The following SETBP1 variants were observed in gnomAD, a reference collection of about 807,000 sequenced individuals.
The protein encoded by SETBP1 is SET binding protein 1, also known as SET-binding protein.
A neutral mutation model predicts 101.0 loss-of-function variants in SETBP1; 9 were observed. That is an observed-to-expected ratio of 0.09 (90% confidence interval 0.05 to 0.16). The LOEUF is 0.16. SETBP1 is among the 10% of genes least tolerant of loss of function. The pLI is 1.00. For missense variants in SETBP1, 1,858 were observed against 2,033.8 expected (o/e 0.91, Z 1.66); for synonymous variants, 818 against 788.5 (o/e 1.04, Z -0.63).
chr18:45,044,419 G>A (rs1473389695), intron 5 of SETBP1, among the ~76,000 whole-genome samples: 1 of 152,174 alleles, frequency 6.6e-6, no homozygotes, highest in Admixed American at 6.5e-5. Flanking sequence ...GTGCATGAAA[G>A]GCACTCCCTC....
chr18:44,944,790 G>A (rs1317069449), intron 3 of SETBP1, among the ~76,000 whole-genome samples: 1 of 151,660 alleles, frequency 6.6e-6, no homozygotes, highest in East Asian at 1.9e-4. Context: ...TTTTTAATGA[G>A]TTATGTGATT....
intron 4 of SETBP1, among the ~76,000 whole-genome samples, chr18:44,977,978 G>A (rs185116316): frequency 6.6e-5 from 10 of 152,082 alleles, no homozygotes; most frequent in South Asian, 4.2e-4. Flanking sequence ...CAGCTCTGGG[G>A]CCTGTGCTCT....
chr18:44,785,594 T>C (rs917407432), intron 2 of SETBP1, among the ~76,000 whole-genome samples: 2 of 152,212 alleles, frequency 1.3e-5, no homozygotes, highest in Non-Finnish European at 2.9e-5. Context: ...TTATTGATTT[T>C]CCAGTCCCTA....
chr18:44,736,782 G>T (rs1304265378), intron 2 of SETBP1, among the ~76,000 whole-genome samples: 1 of 152,176 alleles, frequency 6.6e-6, no homozygotes, highest in Non-Finnish European at 1.5e-5. Flanking sequence ...TTTGTTGACT[G>T]ACTTGCTCAT....
chr18:44,726,915 A>G (rs1200258731), intron 2 of SETBP1, among the ~76,000 whole-genome samples: 2 of 152,148 alleles, frequency 1.3e-5, no homozygotes, highest in African/African-American at 4.8e-5. Flanking sequence ...AGATAAATCC[A>G]TTTGCCATTG....
intron 3 of SETBP1, chr18:44,877,069 T>C: frequency 9.5e-7 from 1 of 1,050,434 alleles, no homozygotes; most frequent in Admixed American, 5.2e-5. Context: ...TCTCTAGGCC[T>C]TTTTTCTAGC....
intron 4 of SETBP1, chr18:44,987,238 T>C (rs769452847): frequency 6.6e-6 from 1 of 152,212 alleles, no homozygotes; most frequent in Non-Finnish European, 1.5e-5. Context: ...TGTTATGCCA[T>C]GTATGACTGT....
chr18:44,972,128 A>C (rs1273478235), intron 4 of SETBP1, among the ~76,000 whole-genome samples: 2 of 152,228 alleles, frequency 1.3e-5, no homozygotes, highest in African/African-American at 4.8e-5. Context: ...TTTATTAAAT[A>C]GGGAATCCTT....
rs775975116 is a variant in SETBP1 at position 45,063,109 on chromosome 18, G to A, written c.4202G>A (p.Arg1401Gln). 1.9e-6 allele frequency: 3 copies of A among 1,613,816 alleles called. No individual in the cohort carries two copies. Among genetic ancestry groups the A allele is most frequent in the Admixed American group, 1.7e-5 (1 of 59,982 alleles). Residue 1401 changes from arginine to glutamine, a missense_variant, in exon 6 of 6, where the codon CGG (arginine) becomes CAG (glutamine). Coordinates refer to ENST00000649279, the MANE Select transcript of SETBP1 (RefSeq NM_015559.3). Reference sequence around the variant, plus strand: ...TCCTCCCTGAAGAAGAGGTTCAAGCGGCGGGAGATCGAAGCCATCCAGTGC... The same window carrying A: ...TCCTCCCTGAAGAAGAGGTTCAAGCAGCGGGAGATCGAAGCCATCCAGTGC... ...VGSSLKKRFK[R>Q]REIEAIQCEV...
intron 2 of SETBP1, among the ~76,000 whole-genome samples, chr18:44,863,279 T>A (rs1335765467): frequency 1.3e-5 from 2 of 152,196 alleles, no homozygotes; most frequent in Non-Finnish European, 2.9e-5. Context: ...GTACCCAGTA[T>A]GGCTGGATAT....
At chr18:44,718,202 A>G (rs1568107011) in intron 2 of SETBP1, among the ~76,000 whole-genome samples, 1 of 152,310 alleles carries the variant, frequency 6.6e-6, no homozygotes, top group East Asian at 1.9e-4. Flanking sequence ...GGACTAGGTG[A>G]GGGAGGTTGA....
intron 3 of SETBP1, among the ~76,000 whole-genome samples, chr18:44,888,908 T>C (rs1276726583): frequency 6.6e-6 from 1 of 152,114 alleles, no homozygotes; most frequent in Non-Finnish European, 1.5e-5. Context: ...TACCTACCTA[T>C]TTTTTCCCAA....
At chr18:44,869,700 T>C (rs971348794) in intron 3 of SETBP1, 2 of 297,522 alleles carry the variant, frequency 6.7e-6, no homozygotes, top group Admixed American at 9.0e-5. Flanking sequence ...CAAGGCCTGA[T>C]AGCCAAGTTA....
rs536912723 is a variant in SETBP1 at position 44,820,633 on chromosome 18, G to A, written c.487-48597G>A. Among the ~76,000 whole-genome samples, 8 of 152,226 alleles carry A rather than the reference G, an allele frequency of 5.3e-5. No homozygotes were observed. The East Asian group carries it at 1.5e-3, about 29-fold the overall frequency. On this transcript the variant is annotated intron_variant, in intron 2 of 5. Transcript: ENST00000649279. ...GCAACTCTACTAGCTCCCTCACTTC[G>A]TCATCCACACAATTTTCTGAAATGT...
At chr18:44,750,281 G>A (rs1162451058) in intron 2 of SETBP1, among the ~76,000 whole-genome samples, 2 of 152,156 alleles carry the variant, frequency 1.3e-5, no homozygotes, top group African/African-American at 4.8e-5. Flanking sequence ...TCCTGGTGAA[G>A]GCCCTCTTTC....
At chr18:44,946,145 G>T (rs2071201021) in intron 3 of SETBP1, among the ~76,000 whole-genome samples, 1 of 152,192 alleles carries the variant, frequency 6.6e-6, no homozygotes, top group Admixed American at 6.5e-5. Context: ...CTTCTCTGCA[G>T]CCCAGCTGAG....
In SETBP1 at chr18:44,774,531, G is replaced by T. The variant is rs1888412839; in HGVS notation, c.486+72699G>T. On this transcript the variant is annotated intron_variant, in intron 2 of 5. Coordinates refer to ENST00000649279, the MANE Select transcript of SETBP1 (RefSeq NM_015559.3). The stretch of plus-strand genomic sequence containing the variant: ...ATCCTCTGATGGATCACTGCTATAG[G>T]TGGTGATCACAAGTAGGACGTGTAG... Among the ~76,000 whole-genome samples, 4 of 152,246 alleles carry T rather than the reference G, an allele frequency of 2.6e-5. 1 individual carries two copies. The South Asian group carries it at 8.3e-4, about 32-fold the overall frequency.
chr18:44,990,113 C>T (rs763258369), intron 4 of SETBP1, among the ~76,000 whole-genome samples: 3 of 151,730 alleles, frequency 2.0e-5, no homozygotes, highest in South Asian at 2.1e-4. Flanking sequence ...ATCTTTCAAA[C>T]GCAAGAATAA....
chr18:44,851,609 C>CCTT (rs1345416177), intron 2 of SETBP1, among the ~76,000 whole-genome samples: 1 of 152,212 alleles, frequency 6.6e-6, no homozygotes, highest in Non-Finnish European at 1.5e-5. Context: ...CTGGTCTCTT[C>CCTT]CTTTTCCCCT....
Sources: gnomAD v4.1 joint callset for allele counts (sites outside exome capture counted in the v4.1 genomes callset) on GRCh38, gnomAD v4.1.1 for gene constraint, MANE v1.5 for transcripts, NCBI Gene and HGNC (gene_info 2026-07-23, HGNC 2026-07-21) for gene names.